RBPMS: variants seen among roughly 807,000 people sequenced by gnomAD.
RBPMS encodes the protein RNA-binding protein with multiple splicing.
Under a neutral mutation model 26.8 loss-of-function variants are expected in RBPMS, and 7 were observed. The ratio of observed to expected loss-of-function variants is 0.26; its 90% CI spans 0.15 to 0.49. The LOEUF (loss-of-function observed/expected upper bound fraction) is 0.49, where lower values mean the gene tolerates loss of function less well. Ranked by LOEUF, RBPMS falls within the 20% of genes least tolerant of loss-of-function variation. RBPMS has a pLI of 0.98. For missense variants in RBPMS, 186 were observed against 250.0 expected, an observed-to-expected ratio of 0.74 and a Z score of 1.73; for synonymous variants, 96 against 93.3, an observed-to-expected ratio of 1.03 and a Z score of -0.17.
chr8:30,415,971 C>G (rs189145256), intron 1 of RBPMS, among the ~76,000 whole-genome samples: 65 of 152,264 alleles, frequency 4.3e-4, no homozygotes, highest in Admixed American at 1.6e-3. Flanking sequence ...CACAATGAAT[C>G]CCCTTTGTAA....
intron 5 of RBPMS, among the ~76,000 whole-genome samples, chr8:30,505,009 T>C (rs1820942613): frequency 6.6e-6 from 1 of 152,224 alleles, no homozygotes; most frequent in Non-Finnish European, 1.5e-5. Context: ...TCCAACTTAA[T>C]TGGATAAGGA....
intron 4 of RBPMS, among the ~76,000 whole-genome samples, chr8:30,480,970 C>G (rs931343789): frequency 2.6e-5 from 4 of 152,232 alleles, no homozygotes; most frequent in African/African-American, 7.2e-5. Context: ...AGACTTGGCT[C>G]TCATTGCTTT....
chr8:30,432,843 T>C (rs1812077904), intron 1 of RBPMS, among the ~76,000 whole-genome samples: 1 of 149,746 alleles, frequency 6.7e-6, no homozygotes, highest in African/African-American at 2.6e-5. Flanking sequence ...CACATTATTT[T>C]CTGTTTGCCT....
At chr8:30,555,612 A>G (rs1041103850) in intron 6 of RBPMS, among the ~76,000 whole-genome samples, 9 of 152,358 alleles carry the variant, frequency 5.9e-5, no homozygotes, top group African/African-American at 2.2e-4. Flanking sequence ...TTTTCTGCAC[A>G]TGGCATGAAG....
chr8:30,467,136 C>T (rs1291834151), intron 1 of RBPMS, among the ~76,000 whole-genome samples: 1 of 152,192 alleles, frequency 6.6e-6, no homozygotes, highest in African/African-American at 2.4e-5. Context: ...GAATTAAATG[C>T]TTGACAGGCC....
intron 3 of RBPMS, 95 bp from the exon 4 acceptor site, chr8:30,479,220 C>A (rs1473989418): frequency 2.2e-6 from 2 of 903,412 alleles, no homozygotes; most frequent in African/African-American, 3.4e-5. Context: ...GTGGTCATTT[C>A]TTTATCTTAG....
At chr8:30,527,963 G>A (rs1823770144) in intron 5 of RBPMS, among the ~76,000 whole-genome samples, 1 of 152,160 alleles carries the variant, frequency 6.6e-6, no homozygotes, top group Non-Finnish European at 1.5e-5. Flanking sequence ...ATCACCTGAG[G>A]TCAGAAGTTC....
At chr8:30,511,483 AAAAATAT>A (rs1821641725) in intron 5 of RBPMS, among the ~76,000 whole-genome samples, 2 of 4,608 alleles carry the variant, frequency 4.3e-4, no homozygotes, top group South Asian at 7.9e-3. Context: ...AAAAAAAAAA[AAAAATAT>A]ATATATATAT....
chr8:30,446,794 CTTGTGTGTGTGT>C (rs1813832838), intron 1 of RBPMS: 1 of 117,372 alleles, frequency 8.5e-6, no homozygotes, highest in African/African-American at 3.3e-5. Context: ...CCACACATGG[CTTGTGTGTGTGT>C]GTGTGTGTGT....
intron 7 of RBPMS, chr8:30,561,824 A>G (rs1266985931): frequency 1.0e-6 from 1 of 982,802 alleles, no homozygotes; most frequent in Non-Finnish European, 1.2e-6. Context: ...CCCCTTAAGA[A>G]TTTATGTAGG....
chr8:30,551,612 A>C (rs971639163), intron 6 of RBPMS, among the ~76,000 whole-genome samples: 1 of 152,056 alleles, frequency 6.6e-6, no homozygotes, highest in African/African-American at 2.4e-5. Context: ...CCCTGTCCTT[A>C]ATAGTAGTAA....
intron 1 of RBPMS, among the ~76,000 whole-genome samples, chr8:30,418,604 G>A (rs1019956708): frequency 7.9e-5 from 12 of 151,766 alleles, no homozygotes; most frequent in Admixed American, 2.6e-4. Context: ...TTCGAGGCAG[G>A]GTCTCACTCT....
chr8:30,451,288 C>T (rs1814556660), intron 1 of RBPMS, among the ~76,000 whole-genome samples: 1 of 152,204 alleles, frequency 6.6e-6, no homozygotes, highest in Non-Finnish European at 1.5e-5. Flanking sequence ...CATATCCTGT[C>T]ATTGGCTGTT....
At chr8:30,436,182 G>T (rs1254185365) in intron 1 of RBPMS, among the ~76,000 whole-genome samples, 1 of 147,606 alleles carries the variant, frequency 6.8e-6, no homozygotes, top group Non-Finnish European at 1.5e-5. Context: ...CTTTAATCAG[G>T]TCTTTTTTTC....
intron 6 of RBPMS, chr8:30,556,368 G>T: frequency 6.1e-6 from 6 of 985,660 alleles, no homozygotes; most frequent in Non-Finnish European, 7.2e-6. Context: ...AACCCTGCAG[G>T]CACCTGTGCG....
chr8:30,559,444 G>C (rs1010734384), intron 7 of RBPMS, among the ~76,000 whole-genome samples: 2 of 152,278 alleles, frequency 1.3e-5, no homozygotes, highest in African/African-American at 4.8e-5. Flanking sequence ...GCAGTGCACA[G>C]TTCCAGCAGG....
chr8:30,437,053 G>T (rs1054912507), intron 1 of RBPMS, among the ~76,000 whole-genome samples: 1 of 151,356 alleles, frequency 6.6e-6, no homozygotes, highest in African/African-American at 2.4e-5. Flanking sequence ...CTCCCGAGTA[G>T]CTGGGACTAT....
rs140750402 is a variant in RBPMS at position 30,486,742 on chromosome 8, G to A, written c.246+7365G>A. The stretch of plus-strand genomic sequence containing the variant: ...GAGAATTAGGGAGGAAGAACCACAC[G>A]TTCTCACACATGAACCAGTGTATAT... On this transcript the variant is annotated intron_variant, in intron 4 of 8. Coordinates refer to ENST00000397323, the MANE Select transcript of RBPMS (RefSeq NM_001008710.3). Among the ~76,000 whole-genome samples the A allele has an allele frequency of 6.0e-3, 909 of 152,302 alleles. 8 individuals carry two copies. The highest frequency in any genetic ancestry group is 0.02 in the African/African-American group (839 of 41,542).
intron 4 of RBPMS, among the ~76,000 whole-genome samples, chr8:30,502,343 G>A (rs1382432020): frequency 2.0e-5 from 3 of 152,098 alleles, no homozygotes; most frequent in Admixed American, 6.5e-5. Context: ...GTTGATTCTG[G>A]AACACCAGTG....
Sources: allele counts gnomAD v4.1 joint callset (sites outside exome capture counted in the v4.1 genomes callset), GRCh38; gene constraint gnomAD v4.1.1; transcripts MANE v1.5; gene names NCBI Gene and HGNC (gene_info 2026-07-23, HGNC 2026-07-21).